The following UACA variants were observed in gnomAD, a reference collection of about 807,000 sequenced individuals.
UACA encodes nuclear membrane binding protein.
A neutral mutation model predicts 160.5 loss-of-function variants in UACA; 112 were observed. That is an observed-to-expected ratio of 0.70 (90% CI 0.60 to 0.82). The LOEUF is 0.82. Ranked by LOEUF, UACA falls within the 40% of genes least tolerant of loss-of-function variation. UACA has a pLI of 0.00. For missense variants in UACA, 1,574 were observed against 1,614.6 expected (o/e 0.97, Z 0.43); for synonymous variants, 557 against 568.4 (o/e 0.98, Z 0.29).
chr15:70,687,470 G>C, intron 7 of UACA, 70 bp downstream of exon 7: 1 of 1,427,070 alleles, frequency 7.0e-7, no homozygotes, highest in Non-Finnish European at 9.9e-7. Context: ...GAACAGAGCT[G>C]CTGCTTTGAC....
chr15:70,774,978 G>C, the UACA span, among the ~76,000 whole-genome samples: 1 of 152,064 alleles, frequency 6.6e-6, no homozygotes, highest in African/African-American at 2.4e-5. Flanking sequence ...AGGATCACTT[G>C]AGCCTGGGAG....
At chr15:70,693,470 A>T (rs1280591323) in intron 3 of UACA, among the ~76,000 whole-genome samples, 3 of 152,152 alleles carry the variant, frequency 2.0e-5, no homozygotes, top group Non-Finnish European at 2.9e-5. Flanking sequence ...AAATATCTAC[A>T]TCTGGATTAT....
At chr15:70,776,823 T>C in the UACA span, among the ~76,000 whole-genome samples, 1 of 152,150 alleles carries the variant, frequency 6.6e-6, no homozygotes, top group Non-Finnish European at 1.5e-5. Flanking sequence ...AGCACTGGCA[T>C]ACATATCACC....
At chr15:70,711,432 CG>C in intron 1 of UACA, among the ~76,000 whole-genome samples, 1 of 151,202 alleles carries the variant, frequency 6.6e-6, no homozygotes, top group Admixed American at 6.6e-5. Context: ...GAGGCCAAGG[CG>C]GGCAGATCAC....
the UACA span, among the ~76,000 whole-genome samples, chr15:70,776,792 G>A: frequency 3.1e-4 from 44 of 144,116 alleles, no homozygotes; most frequent in African/African-American, 1.2e-3. Context: ...CCGCTTCTGA[G>A]TCCCCTAATT....
At chr15:70,738,159 A>G (rs1156777336) in intron 1 of UACA, among the ~76,000 whole-genome samples, 1 of 152,180 alleles carries the variant, frequency 6.6e-6, no homozygotes, top group Non-Finnish European at 1.5e-5. Flanking sequence ...AATATCCTGG[A>G]ATAAACTTCA....
At chr15:70,751,957 C>A (rs544610412) in intron 1 of UACA, among the ~76,000 whole-genome samples, 1 of 152,000 alleles carries the variant, frequency 6.6e-6, no homozygotes, top group Non-Finnish European at 1.5e-5. Flanking sequence ...CTAACATGGC[C>A]GGGCACAGTG....
At chr15:70,685,776 ATTAAAT>A (rs1281699791) in intron 7 of UACA, among the ~76,000 whole-genome samples, 1 of 152,050 alleles carries the variant, frequency 6.6e-6, no homozygotes, top group Non-Finnish European at 1.5e-5. Flanking sequence ...TGATCCTAAA[ATTAAAT>A]TTAACTTTTT....
At chr15:70,745,157 C>T (rs531151055) in intron 1 of UACA, among the ~76,000 whole-genome samples, 3 of 152,190 alleles carry the variant, frequency 2.0e-5, no homozygotes, top group South Asian at 2.1e-4. Flanking sequence ...ACAGGCCAGG[C>T]GCAGTGGCTC....
At chr15:70,679,726 A>C in intron 9 of UACA, 50 bp from the exon 10 acceptor site, 1 of 1,279,088 alleles carries the variant, frequency 7.8e-7, no homozygotes, top group Non-Finnish European at 1.1e-6. Flanking sequence ...AGAATACAGA[A>C]AAGTATATTT....
At chr15:70,736,894 G>A (rs531105536) in intron 1 of UACA, among the ~76,000 whole-genome samples, 1 of 152,208 alleles carries the variant, frequency 6.6e-6, no homozygotes, top group South Asian at 2.1e-4. Context: ...GCTCTTGGCT[G>A]ATGGTGACAG....
intron 2 of UACA, 98 bp from the exon 3 acceptor site, chr15:70,695,203 CACAA>C (rs1898086979): frequency 2.9e-6 from 2 of 695,586 alleles, no homozygotes; most frequent in Non-Finnish European, 4.7e-6. Context: ...CACACACGCA[CACAA>C]ACACACACAC....
Position 70,743,992 on chromosome 15 carries a change from T to C in UACA, c.78+19338A>G, listed in dbSNP as rs192425990. The stretch of plus-strand genomic sequence containing the variant: ...GGGCACGGTGGCTCACGCCTGTAAT[T>C]CTAGCACTTTGGGAGGCCGAGACGG... On this transcript the variant is annotated intron_variant, in intron 1 of 18. Coordinates refer to ENST00000322954, the MANE Select transcript of UACA (RefSeq NM_018003.4). 1.9e-3 allele frequency among the ~76,000 whole-genome samples: 291 copies of C among 152,008 alleles called. 2 individuals carry two copies. The East Asian group carries it at 0.033, about 17-fold the overall frequency.
At position 70,669,065 on chromosome 15, in the gene UACA, TC is replaced by T. The variant is rs1167864673; in HGVS notation, c.1618del (p.Glu540ArgfsTer3). 6.2e-7 allele frequency: 1 copy of T among 1,613,996 alleles called. No homozygotes were observed. Among genetic ancestry groups the T allele is most frequent in the African/African-American group, 1.3e-5 (1 of 74,934 alleles). On this transcript the variant is annotated frameshift_variant, in exon 16 of 19. Transcript: ENST00000322954. LOFTEE classifies it high-confidence loss of function. Reference protein sequence around the residue: ...EAASGNHRLTEELKDQLKDLK... With the variant: ...EAASGNHRLTXELKDQLKDLK... ...GTCTTTCAACTGATCCTTCAGTTCCTCGGTTAGTCTGTGATTCCCTGAGGCT... is the reference window on the plus strand; with the variant it reads ...GTCTTTCAACTGATCCTTCAGTTCCTGGTTAGTCTGTGATTCCCTGAGGCT...
At chr15:70,694,438 G>T (rs899584427) in intron 3 of UACA, among the ~76,000 whole-genome samples, 19 of 152,072 alleles carry the variant, frequency 1.2e-4, no homozygotes, top group African/African-American at 4.6e-4. Flanking sequence ...CACAGAATGG[G>T]TTCCTTATGA....
At chr15:70,672,105 T>C in intron 13 of UACA, 104 bp from the exon 14 acceptor site, 1 of 945,990 alleles carries the variant, frequency 1.1e-6, no homozygotes, top group Non-Finnish European at 1.5e-6. Flanking sequence ...AACTACATTT[T>C]TGACATTCTT....
At chr15:70,747,478 TCC>T (rs1899747192) in intron 1 of UACA, among the ~76,000 whole-genome samples, 2 of 152,086 alleles carry the variant, frequency 1.3e-5, no homozygotes, top group African/African-American at 2.4e-5. Context: ...CAAGGGATTC[TCC>T]TGCCTCAGCC....
chr15:70,753,434 A>T (rs545237619), intron 1 of UACA, among the ~76,000 whole-genome samples: 1 of 152,032 alleles, frequency 6.6e-6, no homozygotes, highest in Admixed American at 6.6e-5. Context: ...CCCTTCTCCA[A>T]TTTTTTTGTA....
chr15:70,767,385 T>C (rs2031042476), upstream of UACA, among the ~76,000 whole-genome samples: 1 of 151,742 alleles, frequency 6.6e-6, no homozygotes, highest in Non-Finnish European at 1.5e-5. Flanking sequence ...GGTCAGGAGT[T>C]TGAGACCAGC....
Sources: allele counts gnomAD v4.1 joint callset (sites outside exome capture counted in the v4.1 genomes callset), GRCh38; gene constraint gnomAD v4.1.1; transcripts MANE v1.5; gene names NCBI Gene and HGNC (gene_info 2026-07-23, HGNC 2026-07-21).